Variants in ENTPD6 observed in about 807,000 individuals in gnomAD.
The protein encoded by ENTPD6 is CD39 antigen-like 2.
In ENTPD6, 46 loss-of-function variants were observed where a neutral mutation model predicts 61.5. The observed-to-expected ratio is 0.75, with a 90% CI of 0.59 to 0.96. The LOEUF (loss-of-function observed/expected upper bound fraction) is 0.96. Among genes scored for constraint, ENTPD6 ranks in the 40% least tolerant of loss-of-function variants. ENTPD6 has a pLI of 0.00. For synonymous variants in ENTPD6, 252 were observed against 255.5 expected (o/e 0.99, Z 0.13); for missense variants, 612 against 629.0 (o/e 0.97, Z 0.29).
intron 1 of ENTPD6, among the ~76,000 whole-genome samples, chr20:25,196,894 A>C (rs1210637225): frequency 9.2e-5 from 14 of 151,938 alleles, no homozygotes; most frequent in Non-Finnish European, 5.9e-5. Context: ...CTGCCTCCTG[A>C]AGGTTCGGGT....
intron 11 of ENTPD6, chr20:25,221,735 C>T (rs933012685): frequency 1.5e-5 from 5 of 326,212 alleles, no homozygotes; most frequent in Admixed American, 8.5e-5. Context: ...CTATGGAGCC[C>T]GCTGGCCCTG....
intron 5 of ENTPD6, chr20:25,214,632 G>A (rs1052971192): frequency 4.0e-6 from 2 of 506,094 alleles, no homozygotes; most frequent in East Asian, 7.2e-5. Context: ...TGCCCCTGGG[G>A]TTTCGTTACT....
At chr20:25,214,794 T>C in intron 5 of ENTPD6, 73 bp from the exon 6 acceptor site, 1 of 958,912 alleles carries the variant, frequency 1.0e-6, no homozygotes, top group Non-Finnish European at 1.7e-6. Flanking sequence ...CTTGACTAGC[T>C]AGCTAGCTAA....
At chr20:25,201,255 C>G (rs2091008385) in intron 1 of ENTPD6, among the ~76,000 whole-genome samples, 1 of 152,178 alleles carries the variant, frequency 6.6e-6, no homozygotes, top group Non-Finnish European at 1.5e-5. Context: ...GCAGGGCGCT[C>G]CGTTACACTC....
At chr20:25,225,138 C>G in intron 13 of ENTPD6, 67 bp from the exon 14 acceptor site, 1 of 1,549,058 alleles carries the variant, frequency 6.5e-7, no homozygotes, top group African/African-American at 1.4e-5. Context: ...GAATTGGGGT[C>G]TGCACTTGCC....
chr20:25,219,486 GC>G (rs2092530342), intron 10 of ENTPD6, among the ~76,000 whole-genome samples: 1 of 152,234 alleles, frequency 6.6e-6, no homozygotes, highest in Non-Finnish European at 1.5e-5. Context: ...TGGGGACACA[GC>G]CTGCATCAGG....
In ENTPD6 at chr20:25,207,008, G is replaced by A; in HGVS notation, c.55-68G>A. 3 of 1,415,712 alleles carry A rather than the reference G, an allele frequency of 2.1e-6. No homozygotes were observed. In the South Asian group the frequency reaches 4.0e-5, roughly 19 times the overall value. 87.7% of individuals were successfully genotyped at this position (1,415,712 alleles called of 1,614,324 possible). On this transcript the variant is annotated intron_variant, in intron 2 of 14. Coordinates refer to ENST00000376652, the MANE Select transcript of ENTPD6 (RefSeq NM_001247.5). Reference sequence around the variant, plus strand: ...TGAACATTTTGTCCCTGGGCCTGGGGACGTCTGACTCTCCTTGGATCCTAG... The same window carrying A: ...TGAACATTTTGTCCCTGGGCCTGGGAACGTCTGACTCTCCTTGGATCCTAG...
chr20:25,206,671 A>T, intron 2 of ENTPD6, 81 bp downstream of exon 2: 1 of 1,027,926 alleles, frequency 9.7e-7, no homozygotes, highest in Non-Finnish European at 1.5e-6. Context: ...TAGAAGTATA[A>T]CTGAGGATTG....
intron 1 of ENTPD6, chr20:25,196,171 G>GC: frequency 8.3e-7 from 1 of 1,208,920 alleles, no homozygotes; most frequent in East Asian, 3.3e-5. Flanking sequence ...TTGCGGACCC[G>GC]CCCCCAGTCT....
At chr20:25,217,457 C>T (rs1341129624) in intron 8 of ENTPD6, 45 bp from the exon 9 acceptor site, 3 of 1,575,970 alleles carry the variant, frequency 1.9e-6, no homozygotes, top group Admixed American at 1.7e-5. Flanking sequence ...GGAGAATTTT[C>T]TAGAAAGACC....
At chr20:25,225,339 G>T in intron 14 of ENTPD6, 22 bp downstream of exon 14, 1 of 1,611,580 alleles carries the variant, frequency 6.2e-7, no homozygotes, top group Non-Finnish European at 8.5e-7. Context: ...CTCAGGTCAC[G>T]CCCCAGCCCC....
intron 1 of ENTPD6, chr20:25,196,204 C>T: frequency 8.4e-7 from 1 of 1,186,250 alleles, no homozygotes; most frequent in Non-Finnish European, 1.0e-6. Context: ...GACCCCTCCG[C>T]CCTGGATGAG....
intron 3 of ENTPD6, 86 bp from the exon 4 acceptor site, chr20:25,209,763 C>A: frequency 8.4e-7 from 1 of 1,188,966 alleles, no homozygotes; most frequent in Non-Finnish European, 1.3e-6. Flanking sequence ...TAGTGTCTGT[C>A]TTTAAAAAGT....
rs2091744230 is a variant in ENTPD6, at chr20:25,209,067, TCAC to T, written c.377-778_377-776del. Among the ~76,000 whole-genome samples the T allele has an allele frequency of 2.0e-5, 3 of 149,028 alleles. No individual in the cohort carries two copies. In the South Asian group the frequency reaches 6.5e-4, roughly 32 times the overall value. On this transcript the variant is annotated intron_variant, in intron 3 of 14. Coordinates refer to ENST00000376652, the MANE Select transcript of ENTPD6 (RefSeq NM_001247.5). ...GAGTAGCTGGGACTACAGATGCCCA[TCAC>T]CACACCTGGCTACTTTTTTTTTCTT...
intron 4 of ENTPD6, among the ~76,000 whole-genome samples, chr20:25,210,541 A>G (rs1256460082): frequency 6.6e-6 from 1 of 152,184 alleles, no homozygotes; most frequent in Non-Finnish European, 1.5e-5. Flanking sequence ...GCTACTTGGG[A>G]GACTGAGGTG....
chr20:25,208,855 A>G (rs1009163924), intron 3 of ENTPD6, among the ~76,000 whole-genome samples: 1 of 152,220 alleles, frequency 6.6e-6, no homozygotes, highest in African/African-American at 2.4e-5. Flanking sequence ...TTAAAATTTA[A>G]CACTGATGCA....
intron 1 of ENTPD6, 71 bp downstream of exon 1, chr20:25,195,938 G>T (rs1165891522): frequency 4.3e-6 from 5 of 1,169,446 alleles, no homozygotes; most frequent in Non-Finnish European, 5.4e-6. Flanking sequence ...TCCCCCACGC[G>T]GGCGCGCTGC....
At chr20:25,225,358 G>A (rs2092770091) in intron 14 of ENTPD6, 41 bp downstream of exon 14, 2 of 1,608,670 alleles carry the variant, frequency 1.2e-6, no homozygotes, top group Non-Finnish European at 1.7e-6. Flanking sequence ...CCTTTATGGA[G>A]TGAGGGGCCT....
intron 8 of ENTPD6, among the ~76,000 whole-genome samples, chr20:25,217,109 C>T (rs893726890): frequency 1.6e-4 from 24 of 152,180 alleles, no homozygotes; most frequent in African/African-American, 5.6e-4. Flanking sequence ...AGGAAGCTTC[C>T]AGCCTTTTCA....
Sources: allele counts gnomAD v4.1 joint callset (sites outside exome capture counted in the v4.1 genomes callset), GRCh38; gene constraint gnomAD v4.1.1; transcripts MANE v1.5; gene names NCBI Gene and HGNC (gene_info 2026-07-23, HGNC 2026-07-21).